KAZN: variants seen among roughly 807,000 people sequenced by gnomAD.
KAZN encodes kazrin.
In KAZN, 40 loss-of-function variants were observed where a neutral mutation model predicts 87.4. The observed-to-expected ratio is 0.46, with a 90% confidence interval of 0.36 to 0.60. The LOEUF is 0.60. Among genes scored for constraint, KAZN ranks in the 20% least tolerant of loss-of-function variants. KAZN has a pLI of 0.00. For synonymous variants in KAZN, 466 were observed against 458.3 expected, an observed-to-expected ratio of 1.02 and a Z score of -0.22; for missense variants, 898 against 1,073.9, an observed-to-expected ratio of 0.84 and a Z score of 2.29.
At chr1:14,717,719 G>C (rs1642867617) in intron 1 of KAZN, among the ~76,000 whole-genome samples, 2 of 152,196 alleles carry the variant, frequency 1.3e-5, no homozygotes, top group South Asian at 2.1e-4. Context: ...TGAGGCCCAA[G>C]AGGCCCCTGG....
At chr1:14,931,647 C>G (rs1219300745) in intron 1 of KAZN, among the ~76,000 whole-genome samples, 1 of 152,084 alleles carries the variant, frequency 6.6e-6, no homozygotes, top group African/African-American at 2.4e-5. Flanking sequence ...TATCAAGTAC[C>G]CTGCGTAATT....
intron 2 of KAZN, among the ~76,000 whole-genome samples, chr1:14,265,685 C>T (rs142380619): frequency 6.6e-6 from 1 of 152,332 alleles, no homozygotes; most frequent in African/African-American, 2.4e-5. Context: ...GCCCCCACAG[C>T]ATCCTTGGGA....
At chr1:13,909,054 G>A (rs573530680) in intron 1 of KAZN, among the ~76,000 whole-genome samples, 5 of 152,148 alleles carry the variant, frequency 3.3e-5, no homozygotes, top group Non-Finnish European at 4.4e-5. Context: ...AGGGAAAGTC[G>A]GTAGGTGCTT....
At chr1:14,878,792 A>G (rs535215920) in intron 1 of KAZN, among the ~76,000 whole-genome samples, 111 of 152,274 alleles carry the variant, frequency 7.3e-4, no homozygotes, top group African/African-American at 2.3e-3. Context: ...ATGTTTTCCC[A>G]GTTGCTCTGG....
At chr1:14,357,665 C>T (rs1571381971) in intron 2 of KAZN, among the ~76,000 whole-genome samples, 1 of 152,290 alleles carries the variant, frequency 6.6e-6, no homozygotes, top group East Asian at 1.9e-4. Flanking sequence ...GCCATTTCTG[C>T]ATCTATTGAG....
At position 15,094,835 on chromosome 1, in the gene KAZN, C is replaced by T. The variant is rs567354619; in HGVS notation, c.1449C>T (p.Asp483=). Residue 483 remains aspartate, a synonymous_variant, in exon 10 of 15, where the codon GAC becomes GAT. Transcript: ENST00000376030. The surrounding 1 kb of genome is among the most constrained non-coding windows in gnomAD (Gnocchi z 4.5). ...GGCAGGTGCTGCTGAGCCTGAGTGA[C>T]GAGGACCTGCAGCTGGGCCTTGGGG... is the stretch of plus-strand genomic sequence containing the variant. ...KSGKVLLSLS[D]EDLQLGLGVC... is the part of the protein sequence containing the mutation. The T allele has an allele frequency of 2.1e-5, 32 of 1,550,282 alleles. No homozygotes were observed. Among genetic ancestry groups the T allele is most frequent in the South Asian group, 5.9e-5 (5 of 84,034 alleles).
At chr1:14,072,146 T>G (rs995681454) in intron 1 of KAZN, among the ~76,000 whole-genome samples, 2 of 152,188 alleles carry the variant, frequency 1.3e-5, no homozygotes, top group South Asian at 2.1e-4. Flanking sequence ...ATGGTGATGA[T>G]GGATGAGGAT....
intron 10 of KAZN, among the ~76,000 whole-genome samples, chr1:15,100,911 G>A (rs1641030632): frequency 6.6e-6 from 1 of 152,146 alleles, no homozygotes; most frequent in Non-Finnish European, 1.5e-5. Flanking sequence ...CACTGGGGAG[G>A]GATGCGCCGA....
intron 1 of KAZN, among the ~76,000 whole-genome samples, chr1:13,990,921 T>C (rs1639251988): frequency 1.3e-5 from 2 of 152,332 alleles, no homozygotes; most frequent in South Asian, 4.1e-4. Flanking sequence ...CATAATAAGA[T>C]ATTAAGAAAA....
intron 2 of KAZN, among the ~76,000 whole-genome samples, chr1:14,582,028 G>A (rs999548058): frequency 6.6e-6 from 1 of 151,884 alleles, no homozygotes; most frequent in African/African-American, 2.4e-5. Flanking sequence ...AAAAGGGCAG[G>A]GACTTTGCCT....
intron 1 of KAZN, among the ~76,000 whole-genome samples, chr1:14,724,625 G>A (rs1350115298): frequency 6.6e-6 from 1 of 152,182 alleles, no homozygotes; most frequent in African/African-American, 2.4e-5. Flanking sequence ...CCAATTTATT[G>A]CCTGAGCTGT....
chr1:14,928,459 C>A (rs201259950), intron 1 of KAZN, among the ~76,000 whole-genome samples: 8 of 143,896 alleles, frequency 5.6e-5, no homozygotes, highest in African/African-American at 1.9e-4. Context: ...AAAAAAAAAA[C>A]AAAAAAAAAG....
At chr1:14,685,524 G>A (rs1640902648) in intron 1 of KAZN, among the ~76,000 whole-genome samples, 1 of 152,210 alleles carries the variant, frequency 6.6e-6, no homozygotes, top group Non-Finnish European at 1.5e-5. Flanking sequence ...CAGAGGACCA[G>A]GGCCTCCAAA....
At chr1:14,950,672 G>C (rs1467169941) in intron 1 of KAZN, among the ~76,000 whole-genome samples, 5 of 152,120 alleles carry the variant, frequency 3.3e-5, no homozygotes, top group Non-Finnish European at 5.9e-5. Flanking sequence ...CTGCAGTAGA[G>C]AGCCAGTGTG....
intron 8 of KAZN, among the ~76,000 whole-genome samples, chr1:15,093,837 G>A (rs1640677198): frequency 6.6e-6 from 1 of 152,180 alleles, no homozygotes; most frequent in Non-Finnish European, 1.5e-5. Context: ...ATCAAAACGG[G>A]GAGGCAGGTT....
intron 1 of KAZN, among the ~76,000 whole-genome samples, chr1:14,742,607 C>T (rs1349531962): frequency 1.3e-5 from 2 of 152,198 alleles, no homozygotes; most frequent in African/African-American, 4.8e-5. Flanking sequence ...TCTCCCTGTG[C>T]TTTTTCTCGC....
intron 2 of KAZN, among the ~76,000 whole-genome samples, chr1:14,320,233 C>T (rs898732305): frequency 2.0e-4 from 30 of 152,026 alleles, no homozygotes; most frequent in African/African-American, 6.0e-4. Context: ...ATGTGATTAC[C>T]GCACACAGAA....
chr1:14,565,059 A>C (rs2148534785), intron 2 of KAZN, among the ~76,000 whole-genome samples: 1 of 152,322 alleles, frequency 6.6e-6, no homozygotes, highest in Non-Finnish European at 1.5e-5. Context: ...AAAGTGTATA[A>C]AAAATAAAGA....
At position 14,447,458 on chromosome 1, in the gene KAZN, C is replaced by T. The variant is rs575465728; in HGVS notation, c.250-151525C>T. On this transcript the variant is annotated intron_variant, in intron 2 of 16. Transcript: ENST00000636203. ...GTTTCACCGTGTTAGCCAGGATGGTCTCGATCTTTTCACTCGGTGATCCAC... is the reference window on the plus strand; with the variant it reads ...GTTTCACCGTGTTAGCCAGGATGGTTTCGATCTTTTCACTCGGTGATCCAC... Among the ~76,000 whole-genome samples the T allele has an allele frequency of 2.0e-5, 3 of 152,040 alleles. No homozygotes were observed. In the South Asian group the frequency reaches 6.2e-4, roughly 32 times the overall value.
Sources: allele counts gnomAD v4.1 joint callset (sites outside exome capture counted in the v4.1 genomes callset), GRCh38; gene constraint gnomAD v4.1.1; non-coding constraint Gnocchi (gnomAD v3.1); transcripts MANE v1.5; gene names NCBI Gene and HGNC (gene_info 2026-07-23, HGNC 2026-07-21).